The following POLD3 variants were observed in gnomAD, a reference collection of about 807,000 sequenced individuals.
The protein encoded by POLD3 is DNA polymerase delta 3, accessory subunit, also known as DNA polymerase delta subunit 3.
POLD3 carries 19 observed loss-of-function variants against 58.2 expected under a neutral mutation model. The observed-to-expected ratio is 0.33, with a 90% CI of 0.23 to 0.48. The LOEUF is 0.48. Among genes scored for constraint, POLD3 ranks in the 20% least tolerant of loss-of-function variants. The pLI is 0.99. For synonymous variants in POLD3, 172 were observed against 193.5 expected, an observed-to-expected ratio of 0.89 and a Z score of 0.92; for missense variants, 504 against 545.5, an observed-to-expected ratio of 0.92 and a Z score of 0.76.
chr11:74,617,136 C>G (rs2032103712), intron 5 of POLD3, among the ~76,000 whole-genome samples: 1 of 141,666 alleles, frequency 7.1e-6, no homozygotes, highest in Non-Finnish European at 1.5e-5. Flanking sequence ...TAAGTACAAT[C>G]CTTTGAGAAG....
Position 74,640,738 on chromosome 11 carries a change from C to T in POLD3, c.1373C>T (p.Ser458Phe). 3.7e-6 allele frequency: 6 copies of T among 1,601,756 alleles called. No homozygotes were observed. Among genetic ancestry groups the T allele is most frequent in the Non-Finnish European group, 5.1e-6 (6 of 1,175,844 alleles). ...AALGKANRQV[S>F]ITGFFQRK is the part of the protein sequence containing the mutation. ...CTGGGCAAAGCCAACAGACAGGTGT[C>T]CATTACTGGCTTCTTCCAGAGGAAA... Residue 458 changes from serine to phenylalanine, a missense_variant, in exon 12 of 12, where the codon TCC (serine) becomes TTC (phenylalanine). By Grantham distance (155) the Ser-to-Phe change is radical (BLOSUM62 -2). Coordinates refer to ENST00000263681, the MANE Select transcript of POLD3 (RefSeq NM_006591.3).
chr11:74,656,128 TCAA>T (rs2033130677), intron 4 of POLD3, among the ~76,000 whole-genome samples: 1 of 152,234 alleles, frequency 6.6e-6, no homozygotes, highest in Non-Finnish European at 1.5e-5. Flanking sequence ...TGAAATATGT[TCAA>T]CATCTCTACA....
chr11:74,598,116 A>G (rs1178633453), intron 2 of POLD3, among the ~76,000 whole-genome samples: 1 of 152,152 alleles, frequency 6.6e-6, no homozygotes, highest in Non-Finnish European at 1.5e-5. Flanking sequence ...AAAGAAAAAG[A>G]AAAAAATGCT....
chr11:74,609,137 TTGTC>T (rs1238210059), intron 3 of POLD3, among the ~76,000 whole-genome samples: 1 of 151,860 alleles, frequency 6.6e-6, no homozygotes, highest in Admixed American at 6.6e-5. Context: ...TTGCAGTTCT[TTGTC>T]TGTAGGATAT....
At chr11:74,626,629 A>T (rs2032440215) in intron 8 of POLD3, among the ~76,000 whole-genome samples, 1 of 152,212 alleles carries the variant, frequency 6.6e-6, no homozygotes, top group South Asian at 2.1e-4. Flanking sequence ...AGATTTGTTA[A>T]TATTACACTA....
intron 4 of POLD3, among the ~76,000 whole-genome samples, chr11:74,666,721 A>G (rs1213914184): frequency 2.6e-5 from 4 of 152,156 alleles, no homozygotes; most frequent in African/African-American, 9.7e-5. Flanking sequence ...TTTTCCCCAG[A>G]AATTGACAAG....
intron 2 of POLD3, among the ~76,000 whole-genome samples, chr11:74,599,388 C>T (rs1230225652): frequency 3.6e-5 from 4 of 111,564 alleles, no homozygotes; most frequent in Admixed American, 2.0e-4. Context: ...TTTTTTTTGA[C>T]GGAGTCTCGC....
intron 3 of POLD3, among the ~76,000 whole-genome samples, chr11:74,607,408 G>A (rs1302402806): frequency 4.7e-5 from 7 of 149,558 alleles, no homozygotes; most frequent in South Asian, 2.1e-4. Flanking sequence ...GACTACAGGC[G>A]CCCGCCACCA....
chr11:74,635,531 T>C (rs2032723759), intron 10 of POLD3, among the ~76,000 whole-genome samples: 1 of 152,076 alleles, frequency 6.6e-6, no homozygotes. Flanking sequence ...ACTTTAAAAA[T>C]ATCTGGGCAT....
At chr11:74,606,684 G>T (rs1471760538) in intron 3 of POLD3, among the ~76,000 whole-genome samples, 1 of 152,126 alleles carries the variant, frequency 6.6e-6, no homozygotes, top group Non-Finnish European at 1.5e-5. Context: ...GGTCTTCATG[G>T]TTGGTCTTCA....
chr11:74,600,388 C>T (rs1328580875), intron 2 of POLD3, among the ~76,000 whole-genome samples: 2 of 151,892 alleles, frequency 1.3e-5, no homozygotes, highest in African/African-American at 2.4e-5. Flanking sequence ...AGTTTGAGAC[C>T]AGGCTCAAGC....
chr11:74,610,524 C>A lies in POLD3; in HGVS notation c.220-975C>A, dbSNP rs542382291. ...ACATCTGGCCTTTCTTGCCCATTTT[C>A]TAAAGAGTTGTTAGTCTTTGTTTTC... On this transcript the variant is annotated intron_variant, in intron 3 of 11. Coordinates refer to ENST00000263681, the MANE Select transcript of POLD3 (RefSeq NM_006591.3). 1.5e-4 allele frequency among the ~76,000 whole-genome samples: 23 copies of A among 152,210 alleles called. No individual in the cohort carries two copies. The South Asian group carries it at 4.8e-3, about 32-fold the overall frequency.
At chr11:74,612,130 C>T (rs7122710) in intron 4 of POLD3, among the ~76,000 whole-genome samples, 18,644 of 152,072 alleles carry the variant, frequency 0.12, 1,439 homozygotes, top group African/African-American at 0.22. Context: ...AGGGCAGCCA[C>T]GCCAGGGACA....
chr11:74,651,048 TA>T (rs1331920844), intron 4 of POLD3, among the ~76,000 whole-genome samples: 1 of 152,228 alleles, frequency 6.6e-6, no homozygotes, highest in Non-Finnish European at 1.5e-5. Flanking sequence ...GCTTTCTGTC[TA>T]CAGAGCACCT....
chr11:74,653,601 A>C (rs1004556852), intron 4 of POLD3, among the ~76,000 whole-genome samples: 1 of 152,238 alleles, frequency 6.6e-6, no homozygotes, highest in Non-Finnish European at 1.5e-5. Flanking sequence ...GGAATACTAA[A>C]ATTACCAATG....
At chr11:74,626,936 CAT>C (rs1213576964) in intron 8 of POLD3, among the ~76,000 whole-genome samples, 3 of 152,110 alleles carry the variant, frequency 2.0e-5, no homozygotes, top group South Asian at 2.1e-4. Context: ...TGCTGCCAGT[CAT>C]GTGAAAGTAT....
At chr11:74,637,435 C>CTTTTTTTTTTTTTTTTTTTCTTT (rs5792663) in intron 11 of POLD3, among the ~76,000 whole-genome samples, 1 of 115,476 alleles carries the variant, frequency 8.7e-6, no homozygotes, top group Non-Finnish European at 1.7e-5. Context: ...CTTTTTCTTC[C>CTTTTTTTTTTTTTTTTTTTCTTT]TTTTTTTTTT....
downstream of POLD3, among the ~76,000 whole-genome samples, chr11:74,645,100 A>G (rs2032982952): frequency 6.6e-6 from 1 of 152,232 alleles, no homozygotes; most frequent in Non-Finnish European, 1.5e-5. Context: ...CAATGCTTAG[A>G]TGAGTGATAG....
chr11:74,613,814 G>A (rs1329235319), intron 5 of POLD3, among the ~76,000 whole-genome samples: 1 of 152,226 alleles, frequency 6.6e-6, no homozygotes, highest in Non-Finnish European at 1.5e-5. Flanking sequence ...GAGACAGGCA[G>A]TTATGGTACA....
Sources: gnomAD v4.1 joint callset for allele counts (sites outside exome capture counted in the v4.1 genomes callset) on GRCh38, gnomAD v4.1.1 for gene constraint, MANE v1.5 for transcripts, NCBI Gene and HGNC (gene_info 2026-07-23, HGNC 2026-07-21) for gene names.